The following LARP4B variants were observed in gnomAD, a reference collection of about 807,000 sequenced individuals.
The protein encoded by LARP4B is La ribonucleoprotein 4B.
In LARP4B, 12 loss-of-function variants were observed where a neutral mutation model predicts 89.8. The ratio of observed to expected loss-of-function variants is 0.13; its 90% CI spans 0.09 to 0.22. The LOEUF (loss-of-function observed/expected upper bound fraction) is 0.22, where lower values mean the gene tolerates loss of function less well. LARP4B is among the 10% of genes least tolerant of loss of function. The probability of loss-of-function intolerance (pLI) is 1.00; values close to 1 mark genes in which losing one functional copy is unlikely to be tolerated. For synonymous variants in LARP4B, 367 were observed against 363.3 expected (o/e 1.01, Z -0.12); for missense variants, 757 against 947.7 (o/e 0.80, Z 2.64).
chr10:829,467 C>A lies in LARP4B; in HGVS notation c.1043G>T (p.Ser348Ile). The A allele has an allele frequency of 1.2e-6, 2 of 1,614,090 alleles. No individual in the cohort carries two copies. Among genetic ancestry groups the A allele is most frequent in the East Asian group, 2.2e-5 (1 of 44,876 alleles). The change falls in exon 11 of 18, where the codon AGC (serine) becomes ATC (isoleucine). Residue 348 changes from serine to isoleucine, a missense_variant. Physicochemically the swap from Ser to Ile is moderately radical, Grantham distance 142. This residue lies in a region of LARP4B where 137 missense variants were observed against 213.9 expected (regional missense o/e 0.64). Transcript: ENST00000316157. ...GTACAGGGGGAACTGCTGCTGGGGG[C>A]TGTACATGGGAGGGAAGTAGAACGA... ...ATSFYFPPMY[S>I]PQQQFPLYSL...
At chr10:928,925 A>G (rs1356083976) in intron 1 of LARP4B, among the ~76,000 whole-genome samples, 2 of 152,178 alleles carry the variant, frequency 1.3e-5, no homozygotes, top group Non-Finnish European at 2.9e-5. Flanking sequence ...TGCTTCATAA[A>G]AACACCTTAA....
In LARP4B at chr10:817,891, T is replaced by C; in HGVS notation, c.1531-2A>G. Reference sequence around the variant, plus strand: ...CGTTGGAGACTGTGTCTGGCTGCTCTGCAACAGAATGACACCCCAGGGTCA... The same window carrying C: ...CGTTGGAGACTGTGTCTGGCTGCTCCGCAACAGAATGACACCCCAGGGTCA... On this transcript the variant is annotated splice_acceptor_variant, in intron 14 of 17. Transcript: ENST00000316157. LOFTEE classifies it high-confidence loss of function. 1 of 1,611,960 alleles carries C rather than the reference T, an allele frequency of 6.2e-7. No individual in the cohort carries two copies. The highest frequency in any genetic ancestry group is 1.7e-5 in the Admixed American group (1 of 59,962).
chr10:883,824 A>C (rs1309700421), intron 3 of LARP4B, among the ~76,000 whole-genome samples: 2 of 151,674 alleles, frequency 1.3e-5, no homozygotes, highest in Non-Finnish European at 2.9e-5. Flanking sequence ...TCCTACGTGA[A>C]CTGCTTATAA....
chr10:904,104 G>A (rs369497653), intron 1 of LARP4B, among the ~76,000 whole-genome samples: 2 of 152,110 alleles, frequency 1.3e-5, no homozygotes, highest in East Asian at 3.9e-4. Context: ...GAAAAATTCT[G>A]ATGTTTCTTC....
rs1045258289 is a variant in LARP4B, at chr10:812,768, G to A, written c.*158C>T. 3 of 516,936 alleles carry A rather than the reference G, an allele frequency of 5.8e-6. No homozygotes were observed. The highest frequency in any genetic ancestry group is 9.2e-6 in the Non-Finnish European group (3 of 325,264). The allele number at this position is 516,936 out of a possible 1,614,324, so 32.0% of individuals were successfully genotyped here. The stretch of plus-strand genomic sequence containing the variant: ...CTGAAAAATCGATTTTTTTTCAAGA[G>A]GGGGAGAATCCAACTCACAGAAGAA... On this transcript the variant is annotated 3_prime_UTR_variant, in exon 18 of 18. Transcript: ENST00000316157.
chr10:911,678 C>A (rs1836668808), intron 1 of LARP4B, among the ~76,000 whole-genome samples: 1 of 152,206 alleles, frequency 6.6e-6, no homozygotes, highest in Non-Finnish European at 1.5e-5. Flanking sequence ...GCAACACTCA[C>A]CCCCTTCTGG....
At chr10:977,141 T>A in the LARP4B span, among the ~76,000 whole-genome samples, 1 of 151,932 alleles carries the variant, frequency 6.6e-6, no homozygotes, top group African/African-American at 2.4e-5. Flanking sequence ...GAATTTATTT[T>A]ATTTATTTAT....
chr10:886,500 A>G (rs1196164209), intron 1 of LARP4B, among the ~76,000 whole-genome samples: 1 of 152,220 alleles, frequency 6.6e-6, no homozygotes, highest in Non-Finnish European at 1.5e-5. Flanking sequence ...CTGCACTCCC[A>G]TGTGGATTGC....
intron 1 of LARP4B, among the ~76,000 whole-genome samples, chr10:898,525 T>C (rs12244355): frequency 0.16 from 24,588 of 152,248 alleles, 2,146 homozygotes; most frequent in Non-Finnish European, 0.19. Context: ...CCCTTTTTTA[T>C]GTGTGTCTGG....
In LARP4B at chr10:820,869, CTG is replaced by C. The variant is rs768532208; in HGVS notation, c.1485-26_1485-25del. 5.0e-6 allele frequency: 8 copies of C among 1,608,398 alleles called. No individual in the cohort carries two copies. In the South Asian group the frequency reaches 6.7e-5, roughly 13 times the overall value. On this transcript the variant is annotated intron_variant, in intron 13 of 17. Coordinates refer to ENST00000316157, the MANE Select transcript of LARP4B (RefSeq NM_015155.3). ...TCCTAGAGGAGTGGAAAGTGAAAGA[CTG>C]TTATTTTTTTCCCACTTGGAGAATT...
chr10:913,363 AAAC>A (rs1836727928), intron 1 of LARP4B, among the ~76,000 whole-genome samples: 1 of 152,244 alleles, frequency 6.6e-6, no homozygotes, highest in Admixed American at 6.5e-5. Flanking sequence ...AAAATATATG[AAAC>A]ACCTCTAATT....
chr10:922,451 C>T (rs895657737), intron 1 of LARP4B, among the ~76,000 whole-genome samples: 3 of 152,178 alleles, frequency 2.0e-5, no homozygotes, highest in Admixed American at 6.5e-5. Flanking sequence ...CAGGGGCTCA[C>T]ACTCATATTC....
the LARP4B span, among the ~76,000 whole-genome samples, chr10:939,928 C>T: frequency 3.3e-5 from 5 of 152,250 alleles, no homozygotes; most frequent in Non-Finnish European, 5.9e-5. Context: ...TCACTGCAAC[C>T]TCCACCTCCC....
At chr10:956,309 AG>A in the LARP4B span, among the ~76,000 whole-genome samples, 2 of 152,012 alleles carry the variant, frequency 1.3e-5, no homozygotes, top group African/African-American at 4.8e-5. This position sits in a 1 kb window ranked among gnomAD's most constrained non-coding sequence, Gnocchi z 4.3. Context: ...CCTGCGTCTA[AG>A]GGGTTCAAGC....
chr10:882,674 C>G (rs960618059), intron 3 of LARP4B, among the ~76,000 whole-genome samples: 1 of 152,214 alleles, frequency 6.6e-6, no homozygotes, highest in African/African-American at 2.4e-5. Context: ...TTGGCTAACC[C>G]TGTAAATAGT....
chr10:849,980 T>C (rs956531144), intron 5 of LARP4B, among the ~76,000 whole-genome samples: 23 of 152,346 alleles, frequency 1.5e-4, no homozygotes, highest in Admixed American at 1.4e-3. Context: ...CAATGAAATA[T>C]AATGTGGTTC....
upstream of LARP4B, among the ~76,000 whole-genome samples, chr10:934,456 T>G (rs1277081626): frequency 6.6e-5 from 10 of 151,996 alleles, no homozygotes; most frequent in Admixed American, 6.6e-5. Context: ...TGCCACCGCA[T>G]TCCAGCCTGG....
At chr10:816,493 T>C (rs1044798036) in intron 15 of LARP4B, among the ~76,000 whole-genome samples, 2 of 152,194 alleles carry the variant, frequency 1.3e-5, no homozygotes, top group African/African-American at 4.8e-5. Flanking sequence ...GGTCAGGCTT[T>C]TCAAAGAAGC....
At chr10:833,949 C>A (rs572848216) in intron 8 of LARP4B, among the ~76,000 whole-genome samples, 1 of 148,892 alleles carries the variant, frequency 6.7e-6, no homozygotes, top group South Asian at 2.1e-4. Flanking sequence ...GACCCAATTA[C>A]ACACTGCTCA....
Sources: gnomAD v4.1 joint callset for allele counts (sites outside exome capture counted in the v4.1 genomes callset) on GRCh38, gnomAD v4.1.1 for gene constraint, gnomAD v4.1.1 regional missense constraint, Gnocchi (gnomAD v3.1) non-coding constraint, MANE v1.5 for transcripts, NCBI Gene and HGNC (gene_info 2026-07-23, HGNC 2026-07-21) for gene names.